SLC4A5: variants seen among roughly 807,000 people sequenced by gnomAD.
The protein encoded by SLC4A5 is electrogenic sodium bicarbonate cotransporter 4.
SLC4A5 carries 96 observed loss-of-function variants against 120.4 expected under a neutral mutation model. The observed-to-expected ratio is 0.80, with a 90% confidence interval of 0.68 to 0.94. The LOEUF (loss-of-function observed/expected upper bound fraction) is 0.94, where lower values mean the gene tolerates loss of function less well. SLC4A5 is among the 40% of genes least tolerant of loss of function. The probability of loss-of-function intolerance (pLI) is 0.00; values close to 1 mark genes in which losing one functional copy is unlikely to be tolerated. For synonymous variants in SLC4A5, 550 were observed against 571.1 expected, an observed-to-expected ratio of 0.96 and a Z score of 0.53; for missense variants, 1,259 against 1,459.5, an observed-to-expected ratio of 0.86 and a Z score of 2.24.
At position 74,313,507 on chromosome 2, in the gene SLC4A5, C is replaced by T. The variant is rs564416390; in HGVS notation, c.79+1438G>A. Among the ~76,000 whole-genome samples, 3 of 152,300 alleles carry T rather than the reference C, an allele frequency of 2.0e-5. No homozygotes were observed. In the East Asian group the frequency reaches 5.8e-4, roughly 29 times the overall value. ...GTTACTTGGATGTCAGTGTCCAAAT[C>T]TGTCTAAAGTCCCAGCTCACCCCAC... On this transcript the variant is annotated intron_variant, in intron 6 of 30. Transcript: ENST00000394019.
chr2:74,237,072 G>A (rs1397391548), intron 21 of SLC4A5, among the ~76,000 whole-genome samples: 2 of 151,858 alleles, frequency 1.3e-5, no homozygotes, highest in Non-Finnish European at 1.5e-5. Flanking sequence ...TGCCTCCCGG[G>A]TTCATGCCAT....
At chr2:74,281,563 A>G (rs1173409591) in intron 8 of SLC4A5, among the ~76,000 whole-genome samples, 1 of 152,238 alleles carries the variant, frequency 6.6e-6, no homozygotes, top group South Asian at 2.1e-4. Flanking sequence ...ATAAAAATCT[A>G]TCTTATTAAC....
chr2:74,327,512 C>T (rs937171845), intron 5 of SLC4A5, among the ~76,000 whole-genome samples: 26 of 152,154 alleles, frequency 1.7e-4, no homozygotes, highest in African/African-American at 4.1e-4. Flanking sequence ...GAAACACCCA[C>T]GCATGCTCCA....
chr2:74,290,568 ACT>A, intron 7 of SLC4A5: 1 of 984,622 alleles, frequency 1.0e-6, no homozygotes, highest in Non-Finnish European at 1.2e-6. Flanking sequence ...GAAAAGCTAC[ACT>A]GAGTTAATTA....
intron 8 of SLC4A5, among the ~76,000 whole-genome samples, chr2:74,271,241 A>G (rs1288157118): frequency 6.6e-6 from 1 of 152,112 alleles, no homozygotes; most frequent in Non-Finnish European, 1.5e-5. Context: ...CTTCCTCCAC[A>G]AAGCCTCTGC....
intron 30 of SLC4A5, 101 bp downstream of exon 30, chr2:74,221,333 C>T: frequency 2.3e-6 from 2 of 864,070 alleles, no homozygotes; most frequent in Non-Finnish European, 3.6e-6. Context: ...GGGCCTTCTA[C>T]TGAGAGGACA....
intron 17 of SLC4A5, among the ~76,000 whole-genome samples, chr2:74,249,938 C>T (rs1670740041): frequency 6.6e-6 from 1 of 152,282 alleles, no homozygotes; most frequent in Non-Finnish European, 1.5e-5. Flanking sequence ...CAACAGCTTA[C>T]CATCCTTCTA....
intron 22 of SLC4A5, among the ~76,000 whole-genome samples, 175 bp from the exon 23 acceptor site, chr2:74,233,738 G>A (rs1159387338): frequency 6.6e-6 from 1 of 152,182 alleles, no homozygotes; most frequent in Admixed American, 6.5e-5. Flanking sequence ...TTCAGACATG[G>A]GAAGGAGCAT....
intron 8 of SLC4A5, among the ~76,000 whole-genome samples, chr2:74,274,165 T>TGA (rs541386827): frequency 1.1e-4 from 17 of 152,318 alleles, no homozygotes; most frequent in Admixed American, 3.3e-4. Context: ...GTGAGGAGAC[T>TGA]GAGACCCTTA....
rs1182789865 is a variant in SLC4A5, at chr2:74,314,934, A to G, written c.79+11T>C. 6.2e-7 allele frequency: 1 copy of G among 1,613,132 alleles called. No homozygotes were observed. The highest frequency in any genetic ancestry group is 8.5e-7 in the Non-Finnish European group (1 of 1,179,110). Reference sequence around the variant, plus strand: ...CCTGAGATTTGCATCAAGTCCTCAAAGTGACCTCACCTTTCTGATCCGGAA... The same window carrying G: ...CCTGAGATTTGCATCAAGTCCTCAAGGTGACCTCACCTTTCTGATCCGGAA... On this transcript the variant is annotated intron_variant, in intron 6 of 30. Transcript: ENST00000394019.
intron 30 of SLC4A5, among the ~76,000 whole-genome samples, chr2:74,220,555 T>C (rs150768715): frequency 0.015 from 2,302 of 152,162 alleles, 49 homozygotes; most frequent in African/African-American, 0.044. Flanking sequence ...CTTGCTCTGT[T>C]GCCCAGGCTG....
chr2:74,255,667 G>C lies in SLC4A5; in HGVS notation c.1025+108C>G, dbSNP rs748590639. The stretch of plus-strand genomic sequence containing the variant: ...GATTTCCCTTCCCAGCAGCCTCCAC[G>C]TTTAGAGGTGCCTTTGAGAACACTA... On this transcript the variant is annotated intron_variant, in intron 13 of 30. Transcript: ENST00000394019. The surrounding 1 kb of genome is among the most constrained non-coding windows in gnomAD (Gnocchi z 4.0). The C allele has an allele frequency of 2.4e-5, 32 of 1,309,744 alleles. No individual in the cohort carries two copies. The highest frequency in any genetic ancestry group is 3.3e-5 in the Non-Finnish European group (31 of 946,910). 81.1% of individuals were successfully genotyped at this position (1,309,744 alleles called of 1,614,324 possible).
At chr2:74,221,900 A>G (rs1448129853) in intron 29 of SLC4A5, among the ~76,000 whole-genome samples, 2 of 151,992 alleles carry the variant, frequency 1.3e-5, no homozygotes, top group Non-Finnish European at 2.9e-5. Context: ...CTTTCAGAAG[A>G]CCTCGGGACA....
exon 22 of SLC4A5, chr2:74,235,207 G>T (rs1227717634): frequency 6.2e-7 from 1 of 1,613,512 alleles, no homozygotes; most frequent in African/African-American, 1.3e-5. Flanking sequence ...AGCCACCAGG[G>T]CCCGGACCTG....
At position 74,233,374 on chromosome 2, in the gene SLC4A5, A is replaced by G. The variant is rs375476745; in HGVS notation, c.2595+28T>C. 2.5e-6 allele frequency: 4 copies of G among 1,612,080 alleles called. No homozygotes were observed. The African/African-American group carries it at 5.4e-5, about 22-fold the overall frequency. ...CTGACTTTGTGGGAAGAAAGAGGTT[A>G]TGCCTCTGCTCCTAGTACCGGCCTT... is the stretch of plus-strand genomic sequence containing the variant. On this transcript the variant is annotated intron_variant, in intron 23 of 30. Transcript: ENST00000394019.
At chr2:74,329,685 G>A (rs1558916891) in intron 4 of SLC4A5, among the ~76,000 whole-genome samples, 1 of 151,754 alleles carries the variant, frequency 6.6e-6, no homozygotes, top group African/African-American at 2.4e-5. Flanking sequence ...GAGATGATGA[G>A]GTTCATGTAG....
At chr2:74,247,585 G>T (rs1198197949) in intron 18 of SLC4A5, among the ~76,000 whole-genome samples, 1 of 151,872 alleles carries the variant, frequency 6.6e-6, no homozygotes. Flanking sequence ...CGTGATCTTG[G>T]CTCACTGCAA....
At chr2:74,334,303 C>T (rs1274849358) in intron 3 of SLC4A5, 126 bp from the exon 4 acceptor site, 1 of 152,274 alleles carries the variant, frequency 6.6e-6, no homozygotes, top group Non-Finnish European at 1.5e-5. Flanking sequence ...TTCCCAATCG[C>T]TGCTGTGGCC....
At chr2:74,229,224 C>T (rs1694971658) in intron 25 of SLC4A5, among the ~76,000 whole-genome samples, 1 of 149,168 alleles carries the variant, frequency 6.7e-6, no homozygotes. Context: ...ACATGGGCCA[C>T]CATGCCTGGC....
Sources: allele counts gnomAD v4.1 joint callset (sites outside exome capture counted in the v4.1 genomes callset), GRCh38; gene constraint gnomAD v4.1.1; non-coding constraint Gnocchi (gnomAD v3.1); transcripts MANE v1.5; gene names NCBI Gene and HGNC (gene_info 2026-07-23, HGNC 2026-07-21).